Variants in ACSM2B observed in about 807,000 individuals in gnomAD.
The protein encoded by ACSM2B is acyl-coenzyme A synthetase ACSM2B, mitochondrial.
A neutral mutation model predicts 78.6 loss-of-function variants in ACSM2B; 58 were observed. That is an observed-to-expected ratio of 0.74 (90% CI 0.60 to 0.92). ACSM2B has a LOEUF of 0.92. ACSM2B is among the 40% of genes least tolerant of loss of function. ACSM2B has a pLI of 0.00. For missense variants in ACSM2B, 688 were observed against 711.2 expected (o/e 0.97, Z 0.37); for synonymous variants, 257 against 256.8 (o/e 1.00, Z -0.01).
In ACSM2B at chr16:20,537,474, G is replaced by T. The variant is rs974416234; in HGVS notation, c.1630-112C>A. 2.6e-5 allele frequency: 31 copies of T among 1,208,060 alleles called. 1 individual carries two copies. The Admixed American group carries it at 5.2e-4, about 20-fold the overall frequency. 74.8% of individuals were successfully genotyped at this position (1,208,060 alleles called of 1,614,324 possible). A position where few individuals can be genotyped will look rare whatever the true frequency, so the allele number is the denominator to read the frequency against. The stretch of plus-strand genomic sequence containing the variant: ...TTCTTCAGGCTGGAGCCACTTCAGG[G>T]TAGCCGCCCTGTGCAATAAGAAGCT... On this transcript the variant is annotated intron_variant, in intron 13 of 13. Coordinates refer to ENST00000329697, the MANE Select transcript of ACSM2B (RefSeq NM_001105069.2).
chr16:20,562,976 A>C (rs1216768349), intron 2 of ACSM2B, among the ~76,000 whole-genome samples: 2 of 152,100 alleles, frequency 1.3e-5, no homozygotes, highest in Non-Finnish European at 2.9e-5. Context: ...ACTTGAAGAC[A>C]TTTCTCACAT....
chr16:20,567,864 T>G lies in ACSM2B; in HGVS notation c.-8-3011A>C, dbSNP rs185404394. On this transcript the variant is annotated intron_variant, in intron 1 of 13. Transcript: ENST00000329697. Reference sequence around the variant, plus strand: ...TATATAATATATTTTATATATTATATATAGATATATACTATACTATTATAT... The same window carrying G: ...TATATAATATATTTTATATATTATAGATAGATATATACTATACTATTATAT... 6.0e-4 allele frequency among the ~76,000 whole-genome samples: 86 copies of G among 142,574 alleles called. 1 individual carries two copies. The East Asian group carries it at 0.014, about 23-fold the overall frequency. The allele number at this position is 142,574 out of a possible 152,430, so 93.5% of individuals were successfully genotyped here. A position where few individuals can be genotyped will look rare whatever the true frequency, so the allele number is the denominator to read the frequency against.
In ACSM2B at chr16:20,543,175, G is replaced by A. The variant is rs370210894; in HGVS notation, c.1369C>T (p.Gln457Ter). Reference sequence around the variant, plus strand: ...ATATCATCTGCCCGTCCCATAAACTGGAAATACCCATCTTCATCTTTGATT... The same window carrying A: ...ATATCATCTGCCCGTCCCATAAACTAGAAATACCCATCTTCATCTTTGATT... ...RGIKDEDGYF[Q>*]FMGRADDIIN... is the part of the protein sequence containing the mutation. The change falls in exon 11 of 14, where the codon CAG becomes TAG. Residue 457 changes from glutamine (Q) to a stop codon, truncating the protein, a stop_gained. Coordinates refer to ENST00000329697, the MANE Select transcript of ACSM2B (RefSeq NM_001105069.2). LOFTEE classifies it high-confidence loss of function. The A allele has an allele frequency of 9.3e-6, 15 of 1,613,672 alleles. No individual in the cohort carries two copies. Among genetic ancestry groups the A allele is most frequent in the Non-Finnish European group, 1.3e-5 (15 of 1,179,882 alleles).
chr16:20,559,477 G>C, intron 2 of ACSM2B, 30 bp from the exon 3 acceptor site: 1 of 1,610,004 alleles, frequency 6.2e-7, no homozygotes, highest in South Asian at 1.1e-5. Flanking sequence ...GTTGATTAGG[G>C]GGCATTGGTA....
intron 6 of ACSM2B, among the ~76,000 whole-genome samples, chr16:20,550,065 C>A (rs2015260395): frequency 6.6e-6 from 1 of 152,040 alleles, no homozygotes; most frequent in Non-Finnish European, 1.5e-5. Context: ...AGGCATGTCC[C>A]ACTCCGACTT....
chr16:20,562,727 C>A (rs1467204267), intron 2 of ACSM2B, among the ~76,000 whole-genome samples: 3 of 152,124 alleles, frequency 2.0e-5, no homozygotes, highest in Non-Finnish European at 4.4e-5. Flanking sequence ...CAATAACCAG[C>A]CATTGTTCCC....
chr16:20,549,210 T>C (rs1287004369), intron 6 of ACSM2B, among the ~76,000 whole-genome samples: 2 of 152,192 alleles, frequency 1.3e-5, no homozygotes, highest in African/African-American at 4.8e-5. Context: ...CATGCTTTTC[T>C]TTATGCAGAA....
intron 4 of ACSM2B, 188 bp from the exon 5 acceptor site, chr16:20,554,108 C>G (rs755973812): frequency 2.2e-5 from 20 of 904,444 alleles, no homozygotes; most frequent in African/African-American, 1.2e-4. Flanking sequence ...GAAAACTACT[C>G]AAGTTTGGCA....
chr16:20,548,287 A>G (rs1164398023), intron 7 of ACSM2B, 102 bp from the exon 8 acceptor site: 51 of 1,607,668 alleles, frequency 3.2e-5, no homozygotes, highest in Admixed American at 6.7e-5. Flanking sequence ...AAATGGCTTC[A>G]TGGGGCTCTC....
At chr16:20,552,336 T>C in intron 5 of ACSM2B, 39 bp from the exon 6 acceptor site, 1 of 1,589,112 alleles carries the variant, frequency 6.3e-7, no homozygotes, top group Non-Finnish European at 8.6e-7. Context: ...TATAGGTGGG[T>C]GCATGCTTAG....
intron 3 of ACSM2B, among the ~76,000 whole-genome samples, chr16:20,557,094 G>A (rs895861680): frequency 6.6e-6 from 1 of 152,008 alleles, no homozygotes; most frequent in Non-Finnish European, 1.5e-5. Context: ...AGAGGTTGCT[G>A]GAGTTTCTTG....
At chr16:20,575,433 G>T (rs2016219784) in intron 1 of ACSM2B, 1 of 150,988 alleles carries the variant, frequency 6.6e-6, no homozygotes, top group Non-Finnish European at 1.5e-5. Context: ...TGATCACAAG[G>T]TCCCACAATA....
At chr16:20,551,883 T>C (rs566426507) in intron 6 of ACSM2B, among the ~76,000 whole-genome samples, 2 of 152,178 alleles carry the variant, frequency 1.3e-5, no homozygotes, top group Non-Finnish European at 2.9e-5. Flanking sequence ...GAAGAGCCCA[T>C]TACATTTGTT....
chr16:20,548,030 ACACAGCCCATGGTTCC>A lies in ACSM2B; in HGVS notation c.1098+16_1098+31del. 5 of 1,610,784 alleles carry A rather than the reference ACACAGCCCATGGTTCC, an allele frequency of 3.1e-6. No individual in the cohort carries two copies. The highest frequency in any genetic ancestry group is 4.2e-6 in the Non-Finnish European group (5 of 1,177,920). On this transcript the variant is annotated intron_variant, in intron 8 of 13. Transcript: ENST00000329697. The stretch of plus-strand genomic sequence containing the variant: ...GAGAATTTTGAAGCCCAAAAAGTGC[ACACAGCCCATGGTTCC>A]CCTGGGAACAGGTACCGTTTCTGTC...
chr16:20,564,880 A>T, intron 1 of ACSM2B, 27 bp from the exon 2 acceptor site: 1 of 1,581,180 alleles, frequency 6.3e-7, no homozygotes, highest in East Asian at 2.2e-5. Flanking sequence ...AGACACAGGT[A>T]AGAGCTTCTT....
At chr16:20,540,340 T>A (rs2014954647) in intron 13 of ACSM2B, among the ~76,000 whole-genome samples, 1 of 151,894 alleles carries the variant, frequency 6.6e-6, no homozygotes, top group Non-Finnish European at 1.5e-5. Flanking sequence ...CCTCCCAGAT[T>A]CGAGCGATTC....
Position 20,536,693 on chromosome 16 carries a change from C to A in ACSM2B, c.*565G>T, listed in dbSNP as rs970560571. 3.3e-5 allele frequency: 5 copies of A among 152,094 alleles called. No individual in the cohort carries two copies. Among genetic ancestry groups the A allele is most frequent in the Admixed American group, 6.6e-5 (1 of 15,258 alleles). 9.4% of individuals were successfully genotyped at this position (152,094 alleles called of 1,614,324 possible). On this transcript the variant is annotated 3_prime_UTR_variant, in exon 14 of 14. Coordinates refer to ENST00000329697, the MANE Select transcript of ACSM2B (RefSeq NM_001105069.2). ...GTTTTCCTCTTTACTTCCCTCTCTT[C>A]CTTTCTTCCTGTCTTCCATGACTTT...
At chr16:20,552,120 G>T (rs1567210121) in intron 6 of ACSM2B, 24 bp downstream of exon 6, 4 of 1,575,728 alleles carry the variant, frequency 2.5e-6, no homozygotes, top group Non-Finnish European at 3.4e-6. Flanking sequence ...CTGAATAACT[G>T]CTGCAAACTG....
At chr16:20,555,995 T>G (rs561400680) in intron 3 of ACSM2B, among the ~76,000 whole-genome samples, 1 of 152,114 alleles carries the variant, frequency 6.6e-6, no homozygotes, top group East Asian at 1.9e-4. Context: ...TTGTATATAT[T>G]TATTGGGTAC....
Sources: allele counts gnomAD v4.1 joint callset (sites outside exome capture counted in the v4.1 genomes callset), GRCh38; gene constraint gnomAD v4.1.1; transcripts MANE v1.5; gene names NCBI Gene and HGNC (gene_info 2026-07-23, HGNC 2026-07-21).